The following HDAC7 variants were observed in gnomAD, a reference collection of about 807,000 sequenced individuals.
HDAC7 encodes histone deacetylase 7.
A neutral mutation model predicts 115.5 loss-of-function variants in HDAC7; 26 were observed. The observed-to-expected ratio is 0.23, with a 90% CI of 0.16 to 0.31. The LOEUF (loss-of-function observed/expected upper bound fraction) is 0.31. Ranked by LOEUF, HDAC7 falls within the 10% of genes least tolerant of loss-of-function variation. The pLI is 1.00. For synonymous variants in HDAC7, 564 were observed against 550.9 expected, an observed-to-expected ratio of 1.02 and a Z score of -0.33; for missense variants, 1,068 against 1,329.0, an observed-to-expected ratio of 0.80 and a Z score of 3.05.
intron 23 of HDAC7, 44 bp downstream of exon 23, chr12:47,785,708 T>A: frequency 6.3e-7 from 1 of 1,576,440 alleles, no homozygotes; most frequent in South Asian, 1.2e-5. Context: ...GAGCCGGGCT[T>A]ACCTGCCTGA....
chr12:47,789,383 C>G (rs780480290), intron 18 of HDAC7, 35 bp from the exon 19 acceptor site: 2 of 1,595,432 alleles, frequency 1.3e-6, no homozygotes, highest in Admixed American at 3.3e-5. Context: ...AGCCCATTCT[C>G]TCCACATGCC....
rs759346842 is a variant in HDAC7, at chr12:47,789,300, T to C, written c.2196A>G (p.Gln732=). Residue 732 remains glutamine (Q), a synonymous_variant, in exon 19 of 26, where the codon CAA becomes CAG. Transcript: ENST00000080059. ...NSVAIACRQL[Q]QQSKASKILI... The stretch of plus-strand genomic sequence containing the variant: ...GGATCTTGCTGGCCTTGCTCTGCTG[T>C]TGCAGCTGCCGGCAGGCGATGGCCA... 16 of 1,613,958 alleles carry C rather than the reference T, an allele frequency of 9.9e-6. No homozygotes were observed. In the Admixed American group the frequency reaches 1.2e-4, roughly 12 times the overall value.
In HDAC7 at chr12:47,791,586, C is replaced by G; in HGVS notation, c.1933G>C (p.Gly645Arg). The change falls in exon 15 of 26, where the codon GGG becomes CGG. Residue 645 changes from glycine (G) to arginine (R), a missense_variant and splice_region_variant. By Grantham distance (125) the Gly-to-Arg change is moderately radical. Coordinates refer to ENST00000080059, the MANE Select transcript of HDAC7 (RefSeq NM_015401.5). ...GGAGACAGGGCCACTAGGCCATTACCTGCCAGCTTCCCGTTGTCCAGTTTG... is the reference window on the plus strand; with the variant it reads ...GGAGACAGGGCCACTAGGCCATTACGTGCCAGCTTCCCGTTGTCCAGTTTG... The part of the protein sequence containing the change: ...RLKLDNGKLA[G>R]LLAQRMFVML... 6.2e-7 allele frequency: 1 copy of G among 1,605,760 alleles called. No homozygotes were observed. The highest frequency in any genetic ancestry group is 8.5e-7 in the Non-Finnish European group (1 of 1,176,084).
chr12:47,783,674 G>T lies in HDAC7; in HGVS notation c.*167C>A. ...CTCCAGTTCCCATTCTAGACCCAGG[G>T]ATTTTCTCACGCTCCCTGGGATAAC... On this transcript the variant is annotated 3_prime_UTR_variant, in exon 26 of 26. Coordinates refer to ENST00000080059, the MANE Select transcript of HDAC7 (RefSeq NM_015401.5). 1 of 729,320 alleles carries T rather than the reference G, an allele frequency of 1.4e-6. No individual in the cohort carries two copies. The highest frequency in any genetic ancestry group is 2.4e-6 in the Non-Finnish European group (1 of 421,018). The allele number at this position is 729,320 out of a possible 1,614,324, so 45.2% of individuals were successfully genotyped here. A position where few individuals can be genotyped will look rare whatever the true frequency, so the allele number is the denominator to read the frequency against.
At chr12:47,792,799 C>T (rs1259405198) in intron 13 of HDAC7, 1 of 404,890 alleles carries the variant, frequency 2.5e-6, no homozygotes, top group Non-Finnish European at 5.0e-6. Flanking sequence ...TACTATGAGA[C>T]TCTCAGTTTT....
In HDAC7 at chr12:47,791,873, C is replaced by T; in HGVS notation, c.1810G>A (p.Glu604Lys). 1.9e-6 allele frequency: 3 copies of T among 1,611,154 alleles called. No individual in the cohort carries two copies. The highest frequency in any genetic ancestry group is 1.7e-6 in the Non-Finnish European group (2 of 1,179,448). The change falls in exon 14 of 26, where the codon GAG becomes AAG. Residue 604 changes from glutamate to lysine, a missense_variant and splice_region_variant. Transcript: ENST00000080059. The part of the protein sequence containing the change: ...LQERGLRSQC[E>K]CLRGRKASLE... ...GGGCCCCACCCGCGCCTCCTCACCTCACACTGGCTCCGGAGCCCCCGCTCC... is the reference window on the plus strand; with the variant it reads ...GGGCCCCACCCGCGCCTCCTCACCTTACACTGGCTCCGGAGCCCCCGCTCC...
chr12:47,791,527 G>A, intron 15 of HDAC7, 59 bp downstream of exon 15: 1 of 1,558,506 alleles, frequency 6.4e-7, no homozygotes, highest in Admixed American at 1.9e-5. Flanking sequence ...CGAGACAGGA[G>A]TGCATGGGAG....
At position 47,802,271 on chromosome 12, in the gene HDAC7, C is replaced by G. The variant is rs775481527; in HGVS notation, c.23G>C (p.Gly8Ala). The G allele has an allele frequency of 1.2e-6, 2 of 1,613,990 alleles. No individual in the cohort carries two copies. Among genetic ancestry groups the G allele is most frequent in the Non-Finnish European group, 1.7e-6 (2 of 1,179,960 alleles). Residue 8 changes from glycine to alanine, a missense_variant, in exon 2 of 26, where the codon GGG becomes GCG. Gly to Ala is a moderately conservative substitution (Grantham distance 60). This residue lies in a region of HDAC7 where 161 missense variants were observed against 158.5 expected (regional missense o/e 1.02). Transcript: ENST00000080059. ...GTGGGCACCCGGGCTCACCTGGGTC[C>G]CATCTGTAGAGAGAGAGACGGAGTG... MHSPGAD[G>A]TQVSPGAHYC...
chr12:47,806,929 A>ATC (rs769602288), intron 1 of HDAC7, among the ~76,000 whole-genome samples: 6 of 144,442 alleles, frequency 4.2e-5, no homozygotes, highest in Middle Eastern at 3.6e-3. Context: ...CCCCTGCCCC[A>ATC]TCTCTCTCTC....
upstream of HDAC7, among the ~76,000 whole-genome samples, chr12:47,821,156 A>G (rs1945012658): frequency 6.6e-6 from 1 of 152,136 alleles, no homozygotes; most frequent in Non-Finnish European, 1.5e-5. Flanking sequence ...AACCCCAAGA[A>G]TCCAGAGAAG....
rs191771399 is a variant in HDAC7, at chr12:47,801,579, G to C, written c.70+645C>G. 4.4e-3 allele frequency among the ~76,000 whole-genome samples: 672 copies of C among 152,260 alleles called. 3 individuals are homozygous for C. The highest frequency in any genetic ancestry group is 8.0e-3 in the Admixed American group (123 of 15,294). On this transcript the variant is annotated intron_variant, in intron 2 of 25. Coordinates refer to ENST00000080059, the MANE Select transcript of HDAC7 (RefSeq NM_015401.5). Reference sequence around the variant, plus strand: ...GGATACCTGGGTTCCATTTCTCCCTGCTATATGGAATTATTAGGCATCAGG... The same window carrying C: ...GGATACCTGGGTTCCATTTCTCCCTCCTATATGGAATTATTAGGCATCAGG...
At chr12:47,813,695 C>T (rs1424735686) in intron 1 of HDAC7, among the ~76,000 whole-genome samples, 1 of 152,200 alleles carries the variant, frequency 6.6e-6, no homozygotes, top group Non-Finnish European at 1.5e-5. Flanking sequence ...AGTCCCCTCC[C>T]CATCCTGCTG....
intron 1 of HDAC7, among the ~76,000 whole-genome samples, chr12:47,807,181 T>G (rs1944442467): frequency 6.6e-6 from 1 of 152,118 alleles, no homozygotes. Context: ...CTCAGGTGAT[T>G]TGCCTGCCTC....
intron 12 of HDAC7, among the ~76,000 whole-genome samples, chr12:47,794,075 AG>A (rs970952286): frequency 6.6e-6 from 1 of 152,150 alleles, no homozygotes; most frequent in African/African-American, 2.4e-5. Flanking sequence ...TGAGGTCGTT[AG>A]GGTGGGCCTT....
intron 15 of HDAC7, 52 bp downstream of exon 15, chr12:47,791,534 G>A: frequency 6.4e-7 from 1 of 1,565,966 alleles, no homozygotes; most frequent in South Asian, 1.2e-5. Flanking sequence ...GGAGTGCATG[G>A]GAGCTGGGTG....
chr12:47,802,405 C>T (rs540409457), intron 1 of HDAC7, 131 bp from the exon 2 acceptor site: 290 of 1,538,298 alleles, frequency 1.9e-4, no homozygotes, highest in Non-Finnish European at 2.5e-4. Context: ...GGGACCTCCA[C>T]CAGAAGCTAA....
chr12:47,796,426 C>CTTTTTTT (rs35550737), intron 7 of HDAC7, 128 bp from the exon 8 acceptor site: 16 of 464,334 alleles, frequency 3.4e-5, no homozygotes, highest in South Asian at 5.0e-5. Flanking sequence ...TTCCTGCTTT[C>CTTTTTTT]TTTTTTTTTT....
At position 47,791,046 on chromosome 12, in the gene HDAC7, T is replaced by C. The variant is rs1156277360; in HGVS notation, c.1983+213A>G. ...ACACCTTCTAGGGGAAGGCTTAGGC[T>C]GGACTCCGCATTCGGGGGAGACTGT... is the stretch of plus-strand genomic sequence containing the variant. On this transcript the variant is annotated intron_variant, in intron 16 of 25. Transcript: ENST00000080059. 9.8e-6 allele frequency: 6 copies of C among 612,716 alleles called. No homozygotes were observed. In the Admixed American group the frequency reaches 1.7e-4, roughly 17 times the overall value. 38.0% of individuals were successfully genotyped at this position (612,716 alleles called of 1,614,324 possible).
intron 24 of HDAC7, chr12:47,784,660 G>T: frequency 6.8e-7 from 1 of 1,473,368 alleles, no homozygotes; most frequent in South Asian, 1.2e-5. Context: ...AGGAGGGCCT[G>T]GGAGGTGGGA....
Sources: gnomAD v4.1 joint callset for allele counts (sites outside exome capture counted in the v4.1 genomes callset) on GRCh38, gnomAD v4.1.1 for gene constraint, gnomAD v4.1.1 regional missense constraint, MANE v1.5 for transcripts, NCBI Gene and HGNC (gene_info 2026-07-23, HGNC 2026-07-21) for gene names.